DTD2: variants seen among roughly 807,000 people sequenced by gnomAD.
DTD2 encodes the protein D-tyrosyl-tRNA deacylase 2 (putative).
A neutral mutation model predicts 15.5 loss-of-function variants in DTD2; 12 were observed. That is an observed-to-expected ratio of 0.77 (90% confidence interval 0.50 to 1.25). The LOEUF (loss-of-function observed/expected upper bound fraction) is 1.25. Ranked by LOEUF, DTD2 falls within the 50% of genes most tolerant of loss-of-function variation. The probability of loss-of-function intolerance (pLI) is 0.00; values close to 1 mark genes in which losing one functional copy is unlikely to be tolerated. For synonymous variants in DTD2, 59 were observed against 77.3 expected, an observed-to-expected ratio of 0.76 and a Z score of 1.24; for missense variants, 170 against 201.1, an observed-to-expected ratio of 0.85 and a Z score of 0.93.
rs566857257 is a variant in DTD2 at position 31,448,398 on chromosome 14, T to C, written c.238A>G (p.Ile80Val). Residue 80 changes from isoleucine to valine, a missense_variant, in exon 3 of 3, where the codon ATA (isoleucine) becomes GTA (valine). Coordinates refer to ENST00000310850, the MANE Select transcript of DTD2 (RefSeq NM_080664.3). ...AGAATGTTGCCAGGTAGATCCAATA[T>C]AGAGACATGCTTGCCATTTTCTGTC... Reference protein sequence around the residue: ...SETENGKHVSILDLPGNILII... With the variant: ...SETENGKHVSVLDLPGNILII... 1.7e-5 allele frequency: 28 copies of C among 1,614,036 alleles called. No individual in the cohort carries two copies. The highest frequency in any genetic ancestry group is 1.7e-4 in the African/African-American group (13 of 75,044).
rs886787477 is a variant in DTD2, at chr14:31,457,465, G to A, written c.-72C>T. The A allele has an allele frequency of 3.4e-6, 4 of 1,173,018 alleles. No homozygotes were observed. In the East Asian group the frequency reaches 1.2e-4, roughly 35 times the overall value. 72.7% of individuals were successfully genotyped at this position (1,173,018 alleles called of 1,614,324 possible). A position where few individuals can be genotyped will look rare whatever the true frequency, so the allele number is the denominator to read the frequency against. ...CTGGCCCCTCCCTCGACGCGCTGGCGGGGCAGACGAGGCGGGGCACGACGA... is the reference window on the plus strand; with the variant it reads ...CTGGCCCCTCCCTCGACGCGCTGGCAGGGCAGACGAGGCGGGGCACGACGA... On this transcript the variant is annotated 5_prime_UTR_variant, in exon 1 of 3. Coordinates refer to ENST00000310850, the MANE Select transcript of DTD2 (RefSeq NM_080664.3).
At chr14:31,450,401 G>C (rs747705631) in intron 2 of DTD2, among the ~76,000 whole-genome samples, 2 of 152,186 alleles carry the variant, frequency 1.3e-5, no homozygotes, top group Non-Finnish European at 2.9e-5. Flanking sequence ...CAGGTTTCTT[G>C]CCCTCTCTGT....
At chr14:31,449,040 C>T (rs531656837) in intron 2 of DTD2, among the ~76,000 whole-genome samples, 2 of 152,100 alleles carry the variant, frequency 1.3e-5, no homozygotes, top group African/African-American at 2.4e-5. Flanking sequence ...ACTACAGGTG[C>T]GTGCCACCAC....
intron 1 of DTD2, among the ~76,000 whole-genome samples, chr14:31,455,686 A>T (rs1325275126): frequency 6.7e-6 from 1 of 150,320 alleles, no homozygotes; most frequent in Admixed American, 6.6e-5. Flanking sequence ...GATTCAAGAG[A>T]TTCTCCTGCC....
At chr14:31,455,132 G>A (rs542923204) in intron 1 of DTD2, among the ~76,000 whole-genome samples, 1 of 152,216 alleles carries the variant, frequency 6.6e-6, no homozygotes, top group South Asian at 2.1e-4. Context: ...TTGGATGCCA[G>A]CAATAAAATA....
intron 2 of DTD2, among the ~76,000 whole-genome samples, chr14:31,449,294 C>T (rs1297314084): frequency 1.3e-5 from 2 of 152,150 alleles, no homozygotes; most frequent in African/African-American, 2.4e-5. Flanking sequence ...GTTCCTGTTT[C>T]AATCCCAATA....
In DTD2 at chr14:31,446,699, A is replaced by T. The variant is rs7153450; in HGVS notation, c.*1430T>A. On this transcript the variant is annotated 3_prime_UTR_variant, in exon 3 of 3. Coordinates refer to ENST00000310850, the MANE Select transcript of DTD2 (RefSeq NM_080664.3). ...TACCATCACATTAATAAGGGCTTCA[A>T]CATATAAATTTTGGGGACGGGAACA... 70,916 of 152,008 alleles carry T rather than the reference A, an allele frequency of 0.47. 16,637 individuals carry two copies. Among genetic ancestry groups the T allele is most frequent in the East Asian group, 0.6 (3,094 of 5,166 alleles). 9.4% of individuals were successfully genotyped at this position (152,008 alleles called of 1,614,324 possible). A position where few individuals can be genotyped will look rare whatever the true frequency, so the allele number is the denominator to read the frequency against.
chr14:31,455,542 CTCTG>C (rs1436711815), intron 1 of DTD2, among the ~76,000 whole-genome samples: 1 of 100,132 alleles, frequency 1.0e-5, no homozygotes, highest in Admixed American at 1.2e-4. Flanking sequence ...CAGAGTGAGA[CTCTG>C]TCTCAAAAAA....
At chr14:31,453,455 C>A in intron 1 of DTD2, 111 bp from the exon 2 acceptor site, 1 of 855,648 alleles carries the variant, frequency 1.2e-6, no homozygotes, top group South Asian at 2.3e-5. Context: ...AGGTTAAAAG[C>A]ACAGAAAATG....
At chr14:31,454,305 C>A (rs12432479) in intron 1 of DTD2, among the ~76,000 whole-genome samples, 5 of 152,268 alleles carry the variant, frequency 3.3e-5, no homozygotes, top group Admixed American at 2.0e-4. Context: ...GTTTTGTACA[C>A]GATAGGGATT....
intron 2 of DTD2, 88 bp downstream of exon 2, chr14:31,453,187 C>G: frequency 2.3e-6 from 3 of 1,281,928 alleles, no homozygotes; most frequent in Non-Finnish European, 3.4e-6. Context: ...AATCCACTTG[C>G]CTTGGCCTCC....
In DTD2 at chr14:31,448,085, T is replaced by A. The variant is rs372193266; in HGVS notation, c.*44A>T. The A allele has an allele frequency of 1.8e-5, 26 of 1,448,410 alleles. No individual in the cohort carries two copies. The highest frequency in any genetic ancestry group is 2.2e-5 in the Non-Finnish European group (23 of 1,063,964). 89.7% of individuals were successfully genotyped at this position (1,448,410 alleles called of 1,614,324 possible). On this transcript the variant is annotated 3_prime_UTR_variant, in exon 3 of 3. Transcript: ENST00000310850. ...GAAGAAAATCTAATTATACTTTAGATCATTTCATACCAGAAAACAGCTATA... is the reference window on the plus strand; with the variant it reads ...GAAGAAAATCTAATTATACTTTAGAACATTTCATACCAGAAAACAGCTATA...
At chr14:31,456,871 G>A (rs895155837) in intron 1 of DTD2, among the ~76,000 whole-genome samples, 6 of 152,050 alleles carry the variant, frequency 3.9e-5, no homozygotes, top group Admixed American at 1.3e-4. Flanking sequence ...AGTCAACATA[G>A]GGGGGAATTC....
rs780999507 is a variant in DTD2 at position 31,448,191 on chromosome 14, C to A, written c.445G>T (p.Gly149Trp). 3.7e-6 allele frequency: 6 copies of A among 1,614,124 alleles called. No individual in the cohort carries two copies. The highest frequency in any genetic ancestry group is 5.1e-6 in the Non-Finnish European group (6 of 1,180,008). Reference protein sequence around the residue: ...ARVVVEHGTYGNRQVLKLDTN... With the variant: ...ARVVVEHGTYWNRQVLKLDTN... Reference sequence around the variant, plus strand: ...TCCAGCTTTAACACCTGCCTGTTCCCATAAGTGCCATGTTCCACTACAACC... The same window carrying A: ...TCCAGCTTTAACACCTGCCTGTTCCAATAAGTGCCATGTTCCACTACAACC... Residue 149 changes from glycine (G) to tryptophan (W), a missense_variant, in exon 3 of 3, where the codon GGG (glycine) becomes TGG (tryptophan). Gly to Trp is a radical substitution (Grantham distance 184). Coordinates refer to ENST00000310850, the MANE Select transcript of DTD2 (RefSeq NM_080664.3).
At position 31,448,055 on chromosome 14, in the gene DTD2, A is replaced by T; in HGVS notation, c.*74T>A. On this transcript the variant is annotated 3_prime_UTR_variant, in exon 3 of 3. Transcript: ENST00000310850. ...GCTGAAGATTAGTATATTCAAGATT[A>T]AGGGGAAGAAAATCTAATTATACTT... The T allele has an allele frequency of 7.8e-7, 1 of 1,290,176 alleles. No individual in the cohort carries two copies. The highest frequency in any genetic ancestry group is 1.1e-6 in the Non-Finnish European group (1 of 927,734). The allele number at this position is 1,290,176 out of a possible 1,614,324, so 79.9% of individuals were successfully genotyped here.
intron 2 of DTD2, chr14:31,452,080 ACT>A (rs1339281697): frequency 1.3e-5 from 2 of 152,116 alleles, no homozygotes; most frequent in African/African-American, 4.8e-5. Context: ...CCTAACATTG[ACT>A]CTGTTTTCCA....
intron 2 of DTD2, 82 bp downstream of exon 2, chr14:31,453,192 GC>G: frequency 2.3e-6 from 3 of 1,322,132 alleles, no homozygotes; most frequent in Non-Finnish European, 3.2e-6. Flanking sequence ...ACTTGCCTTG[GC>G]CTCCCAACGT....
At chr14:31,449,234 G>T (rs1032415601) in intron 2 of DTD2, among the ~76,000 whole-genome samples, 1 of 152,144 alleles carries the variant, frequency 6.6e-6, no homozygotes, top group Admixed American at 6.6e-5. Context: ...CAATTTTAGC[G>T]CAGTTATTAT....
chr14:31,453,200 A>G (rs2032057795), intron 2 of DTD2, 75 bp downstream of exon 2: 3 of 1,462,128 alleles, frequency 2.1e-6, no homozygotes, highest in East Asian at 2.3e-5. Flanking sequence ...TGGCCTCCCA[A>G]CGTGTTGGGA....
Sources: allele counts gnomAD v4.1 joint callset (sites outside exome capture counted in the v4.1 genomes callset), GRCh38; gene constraint gnomAD v4.1.1; transcripts MANE v1.5; gene names NCBI Gene and HGNC (gene_info 2026-07-23, HGNC 2026-07-21).